Variants in METTL16 observed in about 807,000 individuals in gnomAD.
METTL16 encodes RNA N(6)-adenosine-methyltransferase METTL16.
In METTL16, 19 loss-of-function variants were observed where a neutral mutation model predicts 57.9. That is an observed-to-expected ratio of 0.33 (90% confidence interval 0.23 to 0.48). The LOEUF (loss-of-function observed/expected upper bound fraction) is 0.48, where lower values mean the gene tolerates loss of function less well. Ranked by LOEUF, METTL16 falls within the 20% of genes least tolerant of loss-of-function variation. The pLI is 0.99. For missense variants in METTL16, 434 were observed against 691.5 expected (o/e 0.63, Z 4.18); for synonymous variants, 246 against 255.6 (o/e 0.96, Z 0.36).
chr17:2,467,451 A>T (rs1263964548), intron 5 of METTL16, among the ~76,000 whole-genome samples: 2 of 152,072 alleles, frequency 1.3e-5, no homozygotes, highest in African/African-American at 2.4e-5. Context: ...TTTGAGATAG[A>T]GTCTTGCCCT....
chr17:2,453,523 G>A (rs987764638), intron 6 of METTL16, among the ~76,000 whole-genome samples: 4 of 152,304 alleles, frequency 2.6e-5, no homozygotes, highest in Admixed American at 6.5e-5. Context: ...TTCCAGGTGC[G>A]TCACATCAGG....
intron 2 of METTL16, among the ~76,000 whole-genome samples, chr17:2,491,573 T>C (rs1230861962): frequency 6.6e-6 from 1 of 152,182 alleles, no homozygotes; most frequent in Non-Finnish European, 1.5e-5. Context: ...GCTAGGTCTT[T>C]GGTTTAAAAA....
chr17:2,466,716 C>A (rs770727711), intron 5 of METTL16, among the ~76,000 whole-genome samples: 1 of 152,104 alleles, frequency 6.6e-6, no homozygotes, highest in East Asian at 1.9e-4. Flanking sequence ...AGTTATAATA[C>A]CTTATACAAT....
chr17:2,436,062 C>T (rs1048373524), intron 8 of METTL16, among the ~76,000 whole-genome samples: 1 of 152,096 alleles, frequency 6.6e-6, no homozygotes, highest in Non-Finnish European at 1.5e-5. Flanking sequence ...CCTGCAGCGC[C>T]GACACATGTG....
chr17:2,466,820 AT>A (rs949268646), intron 5 of METTL16, among the ~76,000 whole-genome samples: 6 of 148,074 alleles, frequency 4.1e-5, no homozygotes, highest in East Asian at 2.0e-4. Context: ...TTCCCAAAAT[AT>A]TTTTTTTTTG....
At chr17:2,492,103 C>G (rs1026052902) in intron 2 of METTL16, among the ~76,000 whole-genome samples, 1 of 150,848 alleles carries the variant, frequency 6.6e-6, no homozygotes, top group African/African-American at 2.4e-5. Context: ...CCCAGCTACT[C>G]GGGAGGCTGA....
Position 2,420,394 on chromosome 17 carries a change from A to C in METTL16, c.1265T>G (p.Leu422Arg). ...TPKESGNSQE[L>R]ARGPQERTPC... ...GGTCCTCTCCTGGGGGCCCCTGGCC[A>C]GTTCTTGGCTATTGCCAGACTCTTT... is the stretch of plus-strand genomic sequence containing the variant. The change falls in exon 10 of 10, where the codon CTG becomes CGG. Residue 422 changes from leucine (L) to arginine (R), a missense_variant. By Grantham distance (102) the Leu-to-Arg change is moderately radical. This residue lies in a region of METTL16 where 168 missense variants were observed against 149.6 expected (regional missense o/e 1.12). Coordinates refer to ENST00000263092, the MANE Select transcript of METTL16 (RefSeq NM_024086.4). This position sits in a 1 kb window ranked among gnomAD's most constrained non-coding sequence, Gnocchi z 5.4. 1.2e-6 allele frequency: 2 copies of C among 1,613,724 alleles called. No homozygotes were observed. Among genetic ancestry groups the C allele is most frequent in the Non-Finnish European group, 1.7e-6 (2 of 1,180,012 alleles).
intron 6 of METTL16, among the ~76,000 whole-genome samples, chr17:2,458,813 T>A (rs1422420728): frequency 6.6e-6 from 1 of 151,888 alleles, no homozygotes; most frequent in Non-Finnish European, 1.5e-5. Context: ...CCCTTTTTTT[T>A]TTTTCTTTTT....
intron 2 of METTL16, among the ~76,000 whole-genome samples, chr17:2,491,540 C>A (rs937971642): frequency 6.6e-6 from 1 of 152,096 alleles, no homozygotes; most frequent in African/African-American, 2.4e-5. Context: ...TACAGTCTAC[C>A]CAGCATGATA....
Position 2,438,104 on chromosome 17 carries a change from C to G in METTL16, c.888+5G>C, listed in dbSNP as rs2066921701. The G allele has an allele frequency of 6.2e-7, 1 of 1,608,122 alleles. No individual in the cohort carries two copies. The highest frequency in any genetic ancestry group is 1.3e-5 in the African/African-American group (1 of 74,800). ...GTGGTGAAGCGGAGCAAGGTCTGTACTTACTGGTACTGTGACATCATCATA... is the reference window on the plus strand; with the variant it reads ...GTGGTGAAGCGGAGCAAGGTCTGTAGTTACTGGTACTGTGACATCATCATA... On this transcript the variant is annotated splice_donor_5th_base_variant and intron_variant, in intron 8 of 9. Coordinates refer to ENST00000263092, the MANE Select transcript of METTL16 (RefSeq NM_024086.4).
At chr17:2,502,922 A>T (rs181525099) in intron 1 of METTL16, among the ~76,000 whole-genome samples, 130 of 152,254 alleles carry the variant, frequency 8.5e-4, no homozygotes, top group Admixed American at 1.6e-3. Flanking sequence ...AAACAAAAAT[A>T]AAAAATTAAA....
intron 6 of METTL16, chr17:2,455,337 T>A (rs2067101812): frequency 6.5e-6 from 1 of 152,892 alleles, no homozygotes. Context: ...TCCGCCCACC[T>A]CAGCCTCCCA....
rs2151680560 is a variant in METTL16 at position 2,417,869 on chromosome 17, T to A, written c.*2101A>T. On this transcript the variant is annotated 3_prime_UTR_variant, in exon 10 of 10. Transcript: ENST00000263092. ...AAACAAGCAAACAATAAGTACTTACTACTTACTGAATGAATAGTTGCCACT... is the reference window on the plus strand; with the variant it reads ...AAACAAGCAAACAATAAGTACTTACAACTTACTGAATGAATAGTTGCCACT... 6.6e-6 allele frequency: 1 copy of A among 152,328 alleles called. No homozygotes were observed. The highest frequency in any genetic ancestry group is 2.1e-4 in the South Asian group (1 of 4,830). 9.4% of individuals were successfully genotyped at this position (152,328 alleles called of 1,614,324 possible). A position where few individuals can be genotyped will look rare whatever the true frequency, so the allele number is the denominator to read the frequency against.
At position 2,450,674 on chromosome 17, in the gene METTL16, G is replaced by T. The variant is rs78069854; in HGVS notation, c.729-9115C>A. 5.7e-3 allele frequency among the ~76,000 whole-genome samples: 861 copies of T among 152,164 alleles called. 9 individuals are homozygous for T. Among genetic ancestry groups the T allele is most frequent in the African/African-American group, 0.02 (819 of 41,516 alleles). On this transcript the variant is annotated intron_variant, in intron 6 of 9. Coordinates refer to ENST00000263092, the MANE Select transcript of METTL16 (RefSeq NM_024086.4). ...GTTTTACATGTTTCCTTCTTGTTTTGTAACAGCTTAGCCAAACTAACAATA... is the reference window on the plus strand; with the variant it reads ...GTTTTACATGTTTCCTTCTTGTTTTTTAACAGCTTAGCCAAACTAACAATA...
intron 5 of METTL16, among the ~76,000 whole-genome samples, chr17:2,465,827 C>T (rs953235041): frequency 1.3e-5 from 2 of 151,800 alleles, no homozygotes; most frequent in South Asian, 2.1e-4. Context: ...GATCTCACCA[C>T]TGCACTCCAG....
chr17:2,494,586 G>C (rs577774999), intron 2 of METTL16, among the ~76,000 whole-genome samples: 1 of 152,088 alleles, frequency 6.6e-6, no homozygotes, highest in Non-Finnish European at 1.5e-5. Flanking sequence ...GTTTGTTTTT[G>C]TTTTAGTGAC....
intron 6 of METTL16, among the ~76,000 whole-genome samples, chr17:2,454,566 T>TTA (rs1567891758): frequency 1.5e-5 from 2 of 131,446 alleles, no homozygotes; most frequent in Non-Finnish European, 3.3e-5. Context: ...TATTATTATT[T>TTA]TTTTTTTTTT....
chr17:2,422,560 C>T (rs76029151), intron 8 of METTL16, among the ~76,000 whole-genome samples: 4 of 151,592 alleles, frequency 2.6e-5, no homozygotes, highest in African/African-American at 7.3e-5. Flanking sequence ...TTAGTAGAGA[C>T]GGGGTTTCAC....
At position 2,423,726 on chromosome 17, in the gene METTL16, T is replaced by C. The variant is rs540350466; in HGVS notation, c.889-2822A>G. Among the ~76,000 whole-genome samples, 6 of 152,224 alleles carry C rather than the reference T, an allele frequency of 3.9e-5. No homozygotes were observed. The East Asian group carries it at 9.6e-4, about 24-fold the overall frequency. ...TTCCCATCTCTTCTCACAGAAGGAG[T>C]GATCATTTTGCTCACAAATTCTGAC... On this transcript the variant is annotated intron_variant, in intron 8 of 9. Coordinates refer to ENST00000263092, the MANE Select transcript of METTL16 (RefSeq NM_024086.4).
Sources: allele counts gnomAD v4.1 joint callset (sites outside exome capture counted in the v4.1 genomes callset), GRCh38; gene constraint gnomAD v4.1.1; regional missense constraint gnomAD v4.1.1; non-coding constraint Gnocchi (gnomAD v3.1); transcripts MANE v1.5; gene names NCBI Gene and HGNC (gene_info 2026-07-23, HGNC 2026-07-21).